ZNF83: variants seen among roughly 807,000 people sequenced by gnomAD.
ZNF83 encodes the protein zinc finger protein 83.
For synonymous variants in ZNF83, 209 were observed against 213.0 expected (o/e 0.98, Z 0.17); for missense variants, 552 against 629.9 (o/e 0.88, Z 1.32).
chr19:52,680,781 T>C (rs1447656697), intron 1 of ZNF83, among the ~76,000 whole-genome samples: 4 of 146,370 alleles, frequency 2.7e-5, no homozygotes, highest in Non-Finnish European at 6.0e-5. Context: ...CCCGGCTAAT[T>C]TTTTGTATTT....
intron 2 of ZNF83, among the ~76,000 whole-genome samples, chr19:52,657,172 A>G (rs1568567827): frequency 6.6e-6 from 1 of 152,172 alleles, no homozygotes; most frequent in Non-Finnish European, 1.5e-5. Flanking sequence ...TCAAGAAATC[A>G]TAAATGCAAT....
At chr19:52,645,031 A>G (rs1409474328) in intron 3 of ZNF83, among the ~76,000 whole-genome samples, 545 of 145,516 alleles carry the variant, frequency 3.7e-3, no homozygotes, top group Middle Eastern at 0.028. Flanking sequence ...AAAAAAAAAA[A>G]GGGGGTGCTT....
chr19:52,652,700 G>C, intron 3 of ZNF83: 14 of 639,902 alleles, frequency 2.2e-5, no homozygotes, highest in South Asian at 2.1e-4. Context: ...GCATTACTGA[G>C]GACTTTGTGA....
intron 1 of ZNF83, among the ~76,000 whole-genome samples, chr19:52,674,826 A>G (rs986609448): frequency 6.6e-6 from 1 of 152,204 alleles, no homozygotes; most frequent in African/African-American, 2.4e-5. Context: ...TGATTATACA[A>G]CCCAAGATGA....
chr19:52,618,788 TCCA>T, intron 2 of ZNF83: 1 of 1,313,010 alleles, frequency 7.6e-7, no homozygotes, highest in Non-Finnish European at 1.0e-6. Context: ...ACAGTGAAAG[TCCA>T]GATGCTACAT....
At chr19:52,685,199 C>T (rs1371361379) in intron 1 of ZNF83, among the ~76,000 whole-genome samples, 1 of 152,288 alleles carries the variant, frequency 6.6e-6, no homozygotes, top group East Asian at 1.9e-4. Flanking sequence ...GCCAGGGTCA[C>T]TCAGGGTGAG....
chr19:52,628,302 T>C (rs1303323544), intron 2 of ZNF83, among the ~76,000 whole-genome samples: 1 of 152,148 alleles, frequency 6.6e-6, no homozygotes, highest in Non-Finnish European at 1.5e-5. Context: ...GTCCTCAGAC[T>C]GACCAGCCCA....
intron 3 of ZNF83, chr19:52,654,293 A>G (rs1213098725): frequency 6.5e-7 from 1 of 1,530,158 alleles, no homozygotes; most frequent in Non-Finnish European, 9.0e-7. Flanking sequence ...GGGAAGCAAA[A>G]ATCTCCAATG....
upstream of ZNF83, among the ~76,000 whole-genome samples, chr19:52,642,448 A>G (rs990603084): frequency 1.3e-5 from 2 of 151,556 alleles, no homozygotes; most frequent in Admixed American, 1.3e-4. Context: ...TTGTATTTTT[A>G]GTAAAGACCG....
intron 2 of ZNF83, among the ~76,000 whole-genome samples, chr19:52,625,706 C>A (rs907526460): frequency 6.6e-6 from 1 of 152,176 alleles, no homozygotes; most frequent in Non-Finnish European, 1.5e-5. Context: ...TCCCCTTGCT[C>A]TTCAGACTCT....
At chr19:52,620,270 C>CGTGTGTGTGTGTGTGTGTGTG (rs939014087) in intron 2 of ZNF83, among the ~76,000 whole-genome samples, 1 of 144,430 alleles carries the variant, frequency 6.9e-6, no homozygotes. Context: ...GTGTATATCT[C>CGTGTGTGTGTGTGTGTGTGTG]TGTGTGTGTG....
chr19:52,636,244 G>A (rs1188629128), intron 1 of ZNF83: 1 of 152,148 alleles, frequency 6.6e-6, no homozygotes, highest in Non-Finnish European at 1.5e-5. Context: ...GAGCCCAGGA[G>A]GACCAGGCTG....
At chr19:52,676,263 G>A (rs1216380354) in intron 1 of ZNF83, among the ~76,000 whole-genome samples, 4 of 152,298 alleles carry the variant, frequency 2.6e-5, no homozygotes, top group East Asian at 1.9e-4. Flanking sequence ...GATTGCAGAC[G>A]GAGTCTCGTT....
chr19:52,652,566 C>CT (rs1456750247), intron 3 of ZNF83: 1 of 434,254 alleles, frequency 2.3e-6, no homozygotes, highest in Non-Finnish European at 4.7e-6. Flanking sequence ...TGTAACGTTT[C>CT]TTTCCAGTAT....
At chr19:52,648,138 CTCCTGCT>C (rs2061397497) in intron 3 of ZNF83, among the ~76,000 whole-genome samples, 1 of 147,774 alleles carries the variant, frequency 6.8e-6, no homozygotes, top group Non-Finnish European at 1.5e-5. Context: ...TGCTTTTCTC[CTCCTGCT>C]TTCTTATCTT....
At chr19:52,628,022 G>C (rs542755603) in intron 2 of ZNF83, among the ~76,000 whole-genome samples, 3 of 151,896 alleles carry the variant, frequency 2.0e-5, no homozygotes, top group Non-Finnish European at 4.4e-5. Flanking sequence ...CTGCCCACCA[G>C]AGAACAACCC....
At chr19:52,646,207 T>C (rs777104938) in intron 3 of ZNF83, among the ~76,000 whole-genome samples, 3 of 152,166 alleles carry the variant, frequency 2.0e-5, no homozygotes, top group Non-Finnish European at 2.9e-5. Context: ...CCCAAAGTGC[T>C]GGGATTACAG....
chr19:52,649,200 C>T lies in ZNF83; in HGVS notation c.-74+6361G>A, dbSNP rs114131479. On this transcript the variant is annotated intron_variant, in intron 3 of 5. Coordinates refer to the ZNF83 transcript ENST00000594682. ...AGCACCCCAGCACCAATTCCAGCCA[C>T]ACCAGGAATCTGCATGCTTTGGGAT... is the stretch of plus-strand genomic sequence containing the variant. Among the ~76,000 whole-genome samples, 1,481 of 152,280 alleles carry T rather than the reference C, an allele frequency of 9.7e-3. 33 individuals are homozygous for T. The highest frequency in any genetic ancestry group is 0.033 in the African/African-American group (1,377 of 41,530).
chr19:52,645,802 G>GCCC (rs10711325), intron 3 of ZNF83, among the ~76,000 whole-genome samples: 2 of 147,076 alleles, frequency 1.4e-5, no homozygotes, highest in South Asian at 2.2e-4. Flanking sequence ...GTGAGATTCT[G>GCCC]CCCCCCCCCA....
Sources: gnomAD v4.1 joint callset for allele counts (sites outside exome capture counted in the v4.1 genomes callset) on GRCh38, gnomAD v4.1.1 for gene constraint, MANE v1.5 for transcripts, NCBI Gene and HGNC (gene_info 2026-07-23, HGNC 2026-07-21) for gene names.